The following RALGAPA1 variants were observed in gnomAD, a reference collection of about 807,000 sequenced individuals.
RALGAPA1 encodes ral GTPase-activating protein subunit alpha-1.
A neutral mutation model predicts 269.6 loss-of-function variants in RALGAPA1; 52 were observed. The ratio of observed to expected loss-of-function variants is 0.19; its 90% CI spans 0.15 to 0.24. RALGAPA1 has a LOEUF of 0.24. Ranked by LOEUF, RALGAPA1 falls within the 10% of genes least tolerant of loss-of-function variation. The pLI is 1.00. For synonymous variants in RALGAPA1, 817 were observed against 1,008.3 expected (o/e 0.81, Z 3.60); for missense variants, 1,917 against 3,013.9 (o/e 0.64, Z 8.52).
chr14:35,541,839 G>C (rs1437726780), intron 41 of RALGAPA1: 1 of 459,054 alleles, frequency 2.2e-6, no homozygotes, highest in Admixed American at 2.4e-5. Context: ...GTAGCAAGCA[G>C]AAGTGAGAAA....
At chr14:35,792,777 CAAAAAAAAAAAAA>C (rs573027253) in intron 1 of RALGAPA1, among the ~76,000 whole-genome samples, 41 of 46,134 alleles carry the variant, frequency 8.9e-4, no homozygotes, top group African/African-American at 2.9e-3. Flanking sequence ...GACCCTGTCT[CAAAAAAAAAAAAA>C]AAAAGAAAGA....
intron 39 of RALGAPA1, among the ~76,000 whole-genome samples, chr14:35,559,674 T>C (rs1246099143): frequency 6.6e-6 from 1 of 152,204 alleles, no homozygotes; most frequent in Non-Finnish European, 1.5e-5. Context: ...TGGACCATAC[T>C]GTTACACTAA....
chr14:35,796,480 C>G (rs957360170), intron 1 of RALGAPA1, among the ~76,000 whole-genome samples: 1 of 151,978 alleles, frequency 6.6e-6, no homozygotes, highest in East Asian at 1.9e-4. Context: ...AAATAATGAC[C>G]AAAATTTTTC....
Position 35,808,824 on chromosome 14 carries a change from C to T in RALGAPA1, c.12G>A (p.Lys4=). The T allele has an allele frequency of 1.9e-6, 3 of 1,610,266 alleles. No individual in the cohort carries two copies. The highest frequency in any genetic ancestry group is 1.7e-5 in the Admixed American group (1 of 59,742). The change falls in exon 1 of 42, where the codon AAG becomes AAA. Residue 4 remains lysine (K), a synonymous_variant. Coordinates refer to ENST00000680220, the MANE Select transcript of RALGAPA1 (RefSeq NM_001346249.2). ...ACTTCTTCACGTCCCCGTGCGGCTTCTTGGAGAACATCCTGTCGCTGCCAC... is the reference window on the plus strand; with the variant it reads ...ACTTCTTCACGTCCCCGTGCGGCTTTTTGGAGAACATCCTGTCGCTGCCAC... MFS[K]KPHGDVKKST... is the part of the protein sequence containing the mutation.
At chr14:35,616,919 T>TA (rs2060286556) in intron 35 of RALGAPA1, among the ~76,000 whole-genome samples, 1 of 152,140 alleles carries the variant, frequency 6.6e-6, no homozygotes, top group East Asian at 1.9e-4. Flanking sequence ...TACCAAGATA[T>TA]ATTGTTATGG....
chr14:35,774,877 G>T (rs2074900675), intron 3 of RALGAPA1, 129 bp downstream of exon 3: 1 of 660,062 alleles, frequency 1.5e-6, no homozygotes, highest in Admixed American at 3.2e-5. Flanking sequence ...AAAAAATTTA[G>T]ATTTAGTTCT....
chr14:35,643,202 G>T (rs552758977), intron 31 of RALGAPA1, among the ~76,000 whole-genome samples: 1 of 151,954 alleles, frequency 6.6e-6, no homozygotes, highest in Non-Finnish European at 1.5e-5. Flanking sequence ...GGAGGCGGGA[G>T]GGATAGCATT....
At chr14:35,738,457 G>C (rs2071242488) in intron 12 of RALGAPA1, 56 bp downstream of exon 12, 1 of 1,347,356 alleles carries the variant, frequency 7.4e-7, no homozygotes, top group South Asian at 1.6e-5. Flanking sequence ...CTGAAATACT[G>C]AACAGAAATA....
intron 11 of RALGAPA1, among the ~76,000 whole-genome samples, chr14:35,738,896 A>G (rs1488306374): frequency 6.6e-6 from 1 of 152,228 alleles, no homozygotes; most frequent in Non-Finnish European, 1.5e-5. Flanking sequence ...AGATTATATC[A>G]TTCCAGAGAG....
At chr14:35,574,766 T>C (rs1388082873) in intron 37 of RALGAPA1, among the ~76,000 whole-genome samples, 2 of 152,182 alleles carry the variant, frequency 1.3e-5, no homozygotes, top group Non-Finnish European at 2.9e-5. Context: ...ATATGTATGT[T>C]TGACAAACTT....
chr14:35,572,473 A>G, intron 38 of RALGAPA1, 87 bp downstream of exon 38: 1 of 1,104,076 alleles, frequency 9.1e-7, no homozygotes, highest in Non-Finnish European at 1.3e-6. Context: ...TGCCTACTCC[A>G]AATTTTATTC....
At chr14:35,693,761 C>T (rs2066683968) in intron 17 of RALGAPA1, among the ~76,000 whole-genome samples, 1 of 151,312 alleles carries the variant, frequency 6.6e-6, no homozygotes, top group African/African-American at 2.4e-5. Context: ...AGTTTAAAAA[C>T]TCTATAAAGT....
intron 1 of RALGAPA1, among the ~76,000 whole-genome samples, chr14:35,801,008 G>A (rs2076926954): frequency 6.7e-6 from 1 of 149,372 alleles, no homozygotes; most frequent in Admixed American, 6.7e-5. Context: ...TGTCTCCTGC[G>A]TCCCGCCTCC....
rs1432948795 is a variant in RALGAPA1 at position 35,627,635 on chromosome 14, T to C, written c.6312A>G (p.Ile2104Met). 12 of 1,590,886 alleles carry C rather than the reference T, an allele frequency of 7.5e-6. No homozygotes were observed. The highest frequency in any genetic ancestry group is 5.7e-5 in the South Asian group (5 of 87,454). The change falls in exon 34 of 42, where the codon ATA (isoleucine) becomes ATG (methionine). Residue 2104 changes from isoleucine to methionine, a missense_variant. Around this residue, in one of 11 missense-constraint regions of RALGAPA1, gnomAD observed 346 missense variants for 566.1 expected, o/e 0.61. Coordinates refer to ENST00000680220, the MANE Select transcript of RALGAPA1 (RefSeq NM_001346249.2). ...LASANSNVRI[I>M]VRDLSGKYSW... Reference sequence around the variant, plus strand: ...AATATTTTCCAGAGAGATCACGTACTATGATTCTGACATTTGAATTGGCTG... The same window carrying C: ...AATATTTTCCAGAGAGATCACGTACCATGATTCTGACATTTGAATTGGCTG...
chr14:35,622,023 C>T (rs959903592), intron 35 of RALGAPA1, among the ~76,000 whole-genome samples: 1 of 152,034 alleles, frequency 6.6e-6, no homozygotes, highest in African/African-American at 2.4e-5. Context: ...GGTATATACC[C>T]AAAGGATTAT....
chr14:35,626,568 T>C (rs1219590922), intron 34 of RALGAPA1, among the ~76,000 whole-genome samples: 1 of 152,162 alleles, frequency 6.6e-6, no homozygotes, highest in Admixed American at 6.5e-5. Context: ...GGCTCAAAAG[T>C]TAAGTAACTT....
chr14:35,583,891 C>A (rs2058108564), intron 37 of RALGAPA1, among the ~76,000 whole-genome samples: 1 of 152,084 alleles, frequency 6.6e-6, no homozygotes, highest in Admixed American at 6.6e-5. Context: ...AGAAATAAGA[C>A]TTTCTCAGGC....
rs147303801 is a variant in RALGAPA1 at position 35,672,339 on chromosome 14, A to C, written c.5073+528T>G. Among the ~76,000 whole-genome samples the C allele has an allele frequency of 8.5e-5, 13 of 152,256 alleles. No homozygotes were observed. The East Asian group carries it at 2.3e-3, about 27-fold the overall frequency. The stretch of plus-strand genomic sequence containing the variant: ...GTTTATGGCCAATATCAAGACTCCC[A>C]AAGTAATTCTAAGGTTATATTTATG... On this transcript the variant is annotated intron_variant, in intron 25 of 41. Transcript: ENST00000680220.
At chr14:35,691,018 G>A (rs1042375736) in intron 17 of RALGAPA1, among the ~76,000 whole-genome samples, 30 of 151,704 alleles carry the variant, frequency 2.0e-4, no homozygotes, top group African/African-American at 6.0e-4. Context: ...GCGGTGAGCC[G>A]AAATAATGCC....
Sources: gnomAD v4.1 joint callset for allele counts (sites outside exome capture counted in the v4.1 genomes callset) on GRCh38, gnomAD v4.1.1 for gene constraint, gnomAD v4.1.1 regional missense constraint, MANE v1.5 for transcripts, NCBI Gene and HGNC (gene_info 2026-07-23, HGNC 2026-07-21) for gene names.